Variants in GEMIN7 observed in about 807,000 individuals in gnomAD.
The protein encoded by GEMIN7 is gem-associated protein 7.
A neutral mutation model predicts 7.8 loss-of-function variants in GEMIN7; 7 were observed. The ratio of observed to expected loss-of-function variants is 0.90; its 90% CI spans 0.51 to 1.69. The LOEUF is 1.69. GEMIN7 is among the 40% of genes most tolerant of loss of function. GEMIN7 has a pLI of 0.00. For missense variants in GEMIN7, 159 were observed against 176.2 expected (o/e 0.90, Z 0.55); for synonymous variants, 68 against 72.4 (o/e 0.94, Z 0.31).
chr19:45,083,480 GCCA>G (rs1967568916), intron 2 of GEMIN7, among the ~76,000 whole-genome samples: 1 of 151,812 alleles, frequency 6.6e-6, no homozygotes, highest in South Asian at 2.1e-4. Context: ...TTCTATTTGG[GCCA>G]CCTATGGGCA....
chr19:45,088,537 G>A (rs1967779973), intron 2 of GEMIN7: 1 of 151,914 alleles, frequency 6.6e-6, no homozygotes. Flanking sequence ...ATGTTGCCCA[G>A]GCTGCTCTTG....
chr19:45,090,078 A>G (rs759054809), intron 2 of GEMIN7, 29 bp from the exon 3 acceptor site: 5 of 1,579,578 alleles, frequency 3.2e-6, no homozygotes, highest in Non-Finnish European at 4.3e-6. Flanking sequence ...CCATGTAATG[A>G]CTTCCTGCTC....
chr19:45,080,757 T>G (rs1967472188), intron 2 of GEMIN7, among the ~76,000 whole-genome samples: 1 of 119,060 alleles, frequency 8.4e-6, no homozygotes, highest in Non-Finnish European at 1.7e-5. Context: ...AAATCTCCCT[T>G]GTTTTTTGTT....
In GEMIN7 at chr19:45,090,151, C is replaced by T. The variant is rs575528129; in HGVS notation, c.37C>T (p.Arg13Trp). The T allele has an allele frequency of 1.5e-5, 24 of 1,613,716 alleles. No homozygotes were observed. The East Asian group carries it at 4.0e-4, about 27-fold the overall frequency. The change falls in exon 3 of 3, where the codon CGG becomes TGG. Residue 13 changes from arginine to tryptophan, a missense_variant. Physicochemically the swap from Arg to Trp is moderately radical, Grantham distance 101. Coordinates refer to ENST00000270257, the MANE Select transcript of GEMIN7 (RefSeq NM_024707.3). ...TPVNIPVPVL[R>W]LPRGPDGFSR... is the part of the protein sequence containing the mutation. ...AGTGAACATTCCCGTGCCTGTGCTC[C>T]GGCTGCCCCGGGGCCCTGATGGCTT...
At chr19:45,084,229 A>AG (rs1481102890) in intron 2 of GEMIN7, among the ~76,000 whole-genome samples, 6 of 148,868 alleles carry the variant, frequency 4.0e-5, no homozygotes, top group Admixed American at 6.7e-5. Context: ...AAAAAAAAAA[A>AG]AAAAGAAATT....
At chr19:45,089,954 G>T in intron 2 of GEMIN7, 153 bp from the exon 3 acceptor site, 1 of 743,866 alleles carries the variant, frequency 1.3e-6, no homozygotes, top group South Asian at 2.0e-5. Context: ...AAGCCATTGG[G>T]GGACGATGGC....
chr19:45,079,123 G>C (rs973342875), upstream of GEMIN7: 25 of 152,222 alleles, frequency 1.6e-4, no homozygotes, highest in African/African-American at 5.5e-4. Context: ...GTGGCGACCC[G>C]GGCTGTGCTG....
At chr19:45,089,336 T>C (rs1168520242) in intron 2 of GEMIN7, among the ~76,000 whole-genome samples, 1 of 152,212 alleles carries the variant, frequency 6.6e-6, no homozygotes, top group Non-Finnish European at 1.5e-5. Flanking sequence ...TATTTATTCA[T>C]TTATTTATTA....
chr19:45,088,629 G>A (rs1352528906), intron 2 of GEMIN7: 2 of 152,162 alleles, frequency 1.3e-5, no homozygotes, highest in African/African-American at 4.8e-5. Context: ...GCCTATCCCT[G>A]TTGTCCTTGT....
At chr19:45,085,863 C>CTCTT (rs1266661374) in intron 2 of GEMIN7, among the ~76,000 whole-genome samples, 1 of 88,412 alleles carries the variant, frequency 1.1e-5, no homozygotes, top group Admixed American at 1.4e-4. Flanking sequence ...ACAAGAATCT[C>CTCTT]TTTTTTTTTT....
chr19:45,076,572 C>CT, upstream of GEMIN7: 1 of 365,060 alleles, frequency 2.7e-6, no homozygotes, highest in Non-Finnish European at 4.8e-6. The surrounding 1 kb of genome is among the most constrained non-coding windows in gnomAD (Gnocchi z 4.9). Flanking sequence ...AGCCGCCCTG[C>CT]TGGGGCCCTG....
intron 2 of GEMIN7, among the ~76,000 whole-genome samples, chr19:45,086,102 C>T (rs189159147): frequency 2.6e-5 from 4 of 151,504 alleles, no homozygotes; most frequent in Non-Finnish European, 5.9e-5. Context: ...CTCCTGACCT[C>T]GTGATCCGCC....
Position 45,090,802 on chromosome 19 carries a change from T to C in GEMIN7, c.*292T>C. On this transcript the variant is annotated 3_prime_UTR_variant, in exon 3 of 3. Transcript: ENST00000270257. ...TGAAGACCGGGGCATCGGGGTGGGGTGATAAAGGATACAACCTGCACAGGG... is the reference window on the plus strand; with the variant it reads ...TGAAGACCGGGGCATCGGGGTGGGGCGATAAAGGATACAACCTGCACAGGG... 2.7e-6 allele frequency: 1 copy of C among 374,554 alleles called. No individual in the cohort carries two copies. Among genetic ancestry groups the C allele is most frequent in the East Asian group, 5.0e-5 (1 of 20,000 alleles). The allele number at this position is 374,554 out of a possible 1,614,324, so 23.2% of individuals were successfully genotyped here.
chr19:45,075,947 A>C, upstream of GEMIN7: 2 of 1,594,224 alleles, frequency 1.3e-6, no homozygotes, highest in Non-Finnish European at 1.7e-6. Context: ...ACCGAAGGTC[A>C]GAAGGGGGCC....
upstream of GEMIN7, among the ~76,000 whole-genome samples, chr19:45,077,214 C>T (rs1364887724): frequency 6.6e-6 from 1 of 152,168 alleles, no homozygotes; most frequent in East Asian, 1.9e-4. Flanking sequence ...TCCAAGCAAT[C>T]TTTTGATCGC....
At chr19:45,090,035 C>T (rs1289699216) in intron 2 of GEMIN7, 72 bp from the exon 3 acceptor site, 14 of 1,476,818 alleles carry the variant, frequency 9.5e-6, no homozygotes. Context: ...GCCTCTGCTT[C>T]CACTCCTCCC....
upstream of GEMIN7, chr19:45,075,903 G>C (rs1712055829): frequency 3.1e-6 from 5 of 1,610,798 alleles, no homozygotes; most frequent in Non-Finnish European, 4.2e-6. Flanking sequence ...GGTGGGGCCA[G>C]GATGGGGGCT....
chr19:45,078,838 C>T (rs1057266876), upstream of GEMIN7, among the ~76,000 whole-genome samples: 1 of 152,144 alleles, frequency 6.6e-6, no homozygotes, highest in Admixed American at 6.5e-5. Flanking sequence ...CGCCTCTGAT[C>T]CAGCCCAGCT....
At chr19:45,088,881 A>G (rs556037977) in intron 2 of GEMIN7, among the ~76,000 whole-genome samples, 3 of 151,618 alleles carry the variant, frequency 2.0e-5, no homozygotes, top group Middle Eastern at 6.8e-3. Context: ...TGAATATCTT[A>G]TAAGTCTGTT....
Sources: allele counts gnomAD v4.1 joint callset (sites outside exome capture counted in the v4.1 genomes callset), GRCh38; gene constraint gnomAD v4.1.1; non-coding constraint Gnocchi (gnomAD v3.1); transcripts MANE v1.5; gene names NCBI Gene and HGNC (gene_info 2026-07-23, HGNC 2026-07-21).